Variants in SPATS2 observed in about 807,000 individuals in gnomAD.
SPATS2 encodes spermatogenesis-associated serine-rich protein 2.
Under a neutral mutation model 63.7 loss-of-function variants are expected in SPATS2, and 38 were observed. The ratio of observed to expected loss-of-function variants is 0.60; its 90% CI spans 0.46 to 0.78. SPATS2 has a LOEUF of 0.78. Ranked by LOEUF, SPATS2 falls within the 30% of genes least tolerant of loss-of-function variation. SPATS2 has a pLI of 0.00. For missense variants in SPATS2, 588 were observed against 666.2 expected, an observed-to-expected ratio of 0.88 and a Z score of 1.29; for synonymous variants, 207 against 232.9, an observed-to-expected ratio of 0.89 and a Z score of 1.01.
intron 2 of SPATS2, chr12:49,389,931 A>G: frequency 1.2e-6 from 1 of 807,078 alleles, no homozygotes; most frequent in Non-Finnish European, 2.2e-6. Flanking sequence ...GCACATGTTG[A>G]CCAGATAAAT....
chr12:49,512,321 G>C (rs2138028799), intron 9 of SPATS2, among the ~76,000 whole-genome samples: 1 of 152,162 alleles, frequency 6.6e-6, no homozygotes, highest in Non-Finnish European at 1.5e-5. Flanking sequence ...CAAACAAAAA[G>C]AAACAGAAGT....
intron 2 of SPATS2, among the ~76,000 whole-genome samples, chr12:49,439,835 T>C (rs921970859): frequency 1.3e-5 from 2 of 152,342 alleles, no homozygotes; most frequent in Admixed American, 1.3e-4. Context: ...CCCTTTCCTA[T>C]GTCTTTACGC....
chr12:49,518,586 T>C (rs771599016), intron 10 of SPATS2, among the ~76,000 whole-genome samples: 3 of 152,218 alleles, frequency 2.0e-5, no homozygotes, highest in African/African-American at 7.2e-5. Flanking sequence ...GTGTATGATA[T>C]ACTTCCATTT....
intron 10 of SPATS2, among the ~76,000 whole-genome samples, chr12:49,516,202 T>TAAAAAA (rs1565761003): frequency 1.7e-5 from 1 of 60,294 alleles, no homozygotes; most frequent in African/African-American, 6.2e-5. Context: ...TATATATATA[T>TAAAAAA]ATATATAAAT....
intron 2 of SPATS2, among the ~76,000 whole-genome samples, chr12:49,421,411 T>G (rs1450008842): frequency 5.6e-5 from 7 of 125,686 alleles, no homozygotes; most frequent in African/African-American, 2.2e-4. Flanking sequence ...AGCAAGACTT[T>G]GTCTCAAAAA....
intron 2 of SPATS2, among the ~76,000 whole-genome samples, chr12:49,404,941 A>G (rs1944668351): frequency 6.6e-6 from 1 of 151,974 alleles, no homozygotes; most frequent in South Asian, 2.1e-4. Context: ...TTCAAATATC[A>G]GTGTCCCTGA....
chr12:49,493,781 A>C (rs571979435), intron 6 of SPATS2, among the ~76,000 whole-genome samples: 1 of 152,290 alleles, frequency 6.6e-6, no homozygotes, highest in Admixed American at 6.5e-5. Flanking sequence ...AGTATTTTCA[A>C]TTTCTTATAT....
At chr12:49,508,196 G>A (rs998866961) in intron 9 of SPATS2, among the ~76,000 whole-genome samples, 1 of 151,744 alleles carries the variant, frequency 6.6e-6, no homozygotes, top group African/African-American at 2.4e-5. Context: ...TTTAGACATT[G>A]GTGTCATAAT....
chr12:49,395,265 T>C (rs549600650), intron 2 of SPATS2, among the ~76,000 whole-genome samples: 11 of 152,252 alleles, frequency 7.2e-5, no homozygotes, highest in Admixed American at 3.3e-4. Flanking sequence ...TCCAAAGTGC[T>C]GGGATTATAG....
intron 2 of SPATS2, among the ~76,000 whole-genome samples, chr12:49,380,522 A>G (rs1489548066): frequency 1.3e-5 from 2 of 152,058 alleles, no homozygotes; most frequent in South Asian, 2.1e-4. Context: ...CCTGGCCAAC[A>G]TGGCAAAACC....
At chr12:49,375,193 T>TGTGTG (rs1944078083) in intron 2 of SPATS2, among the ~76,000 whole-genome samples, 5 of 79,158 alleles carry the variant, frequency 6.3e-5, no homozygotes, top group East Asian at 2.5e-4. Context: ...TGTGTGTGTG[T>TGTGTG]GTGGTGGTAG....
At chr12:49,525,807 A>T in intron 13 of SPATS2, 137 bp from the exon 14 acceptor site, 1 of 936,548 alleles carries the variant, frequency 1.1e-6, no homozygotes, top group Admixed American at 2.9e-5. Context: ...GGCTGAGAGA[A>T]TTCTTTGAGT....
At chr12:49,439,837 TC>T (rs2137544425) in intron 2 of SPATS2, among the ~76,000 whole-genome samples, 1 of 152,338 alleles carries the variant, frequency 6.6e-6, no homozygotes, top group Admixed American at 6.5e-5. Context: ...CTTTCCTATG[TC>T]TTTACGCTGA....
At chr12:49,403,333 A>T (rs571188853) in intron 2 of SPATS2, among the ~76,000 whole-genome samples, 2 of 152,180 alleles carry the variant, frequency 1.3e-5, no homozygotes, top group South Asian at 4.2e-4. Flanking sequence ...AGCGATTCAA[A>T]AACTGGAATT....
At chr12:49,501,446 A>G (rs1342819524) in intron 9 of SPATS2, among the ~76,000 whole-genome samples, 1 of 152,166 alleles carries the variant, frequency 6.6e-6, no homozygotes, top group Non-Finnish European at 1.5e-5. Context: ...TCATGACCTA[A>G]TCATCTCTTA....
chr12:49,412,256 G>T (rs946034995), intron 2 of SPATS2, among the ~76,000 whole-genome samples: 1 of 151,898 alleles, frequency 6.6e-6, no homozygotes, highest in Non-Finnish European at 1.5e-5. Context: ...ATGCAGTGGC[G>T]CCGTCTTGGC....
chr12:49,378,119 C>T (rs1349309427), intron 2 of SPATS2, among the ~76,000 whole-genome samples: 1 of 152,002 alleles, frequency 6.6e-6, no homozygotes, highest in African/African-American at 2.4e-5. Context: ...ATTATAGGTG[C>T]TCGCCACCAT....
At chr12:49,508,264 G>T (rs1227729936) in intron 9 of SPATS2, among the ~76,000 whole-genome samples, 1 of 151,820 alleles carries the variant, frequency 6.6e-6, no homozygotes, top group Admixed American at 6.6e-5. Context: ...CCAGAATGTA[G>T]TGGCGCAATA....
chr12:49,492,117 G>A (rs1396492612), intron 6 of SPATS2, among the ~76,000 whole-genome samples: 1 of 152,038 alleles, frequency 6.6e-6, no homozygotes, highest in Non-Finnish European at 1.5e-5. Flanking sequence ...CTTCATACCT[G>A]TAGTTTTGAA....
Sources: allele counts gnomAD v4.1 joint callset (sites outside exome capture counted in the v4.1 genomes callset), GRCh38; gene constraint gnomAD v4.1.1; transcripts MANE v1.5; gene names NCBI Gene and HGNC (gene_info 2026-07-23, HGNC 2026-07-21).